GFM1: variants seen among roughly 807,000 people sequenced by gnomAD.
GFM1 encodes the protein elongation factor G, mitochondrial.
A neutral mutation model predicts 96.2 loss-of-function variants in GFM1; 62 were observed. The ratio of observed to expected loss-of-function variants is 0.64; its 90% confidence interval spans 0.53 to 0.80. The LOEUF is 0.80. Ranked by LOEUF, GFM1 falls within the 30% of genes least tolerant of loss-of-function variation. The pLI is 0.00. For synonymous variants in GFM1, 282 were observed against 312.9 expected, an observed-to-expected ratio of 0.90 and a Z score of 1.04; for missense variants, 852 against 916.6, an observed-to-expected ratio of 0.93 and a Z score of 0.91.
intron 6 of GFM1, among the ~76,000 whole-genome samples, chr3:158,652,786 A>G (rs929211484): frequency 3.3e-5 from 5 of 152,246 alleles, no homozygotes; most frequent in Admixed American, 6.5e-5. Context: ...GTAATAGAGC[A>G]TACGTTCATA....
intron 13 of GFM1, chr3:158,672,606 A>T (rs9841): frequency 0.37 from 407,867 of 1,114,098 alleles, 78,977 homozygotes; most frequent in African/African-American, 0.6. Context: ...TCCTTCAGTC[A>T]GTCTTCTTCC....
rs749803761 is a variant in GFM1, at chr3:158,660,888, A to G, written c.1236A>G (p.Val412=). Residue 412 remains valine (V), a synonymous_variant, in exon 10 of 18, where the codon GTA becomes GTG. Coordinates refer to ENST00000486715, the MANE Select transcript of GFM1 (RefSeq NM_024996.7). ...HADMMEDVEE[V]YAGDICALFG... ...TGTTTTTTTAGGATGTTGAGGAAGT[A>G]TATGCCGGAGACATCTGTGCATTGT... 43 of 1,613,624 alleles carry G rather than the reference A, an allele frequency of 2.7e-5. No homozygotes were observed. Among genetic ancestry groups the G allele is most frequent in the East Asian group, 4.5e-5 (2 of 44,878 alleles).
chr3:158,644,802 G>A, intron 1 of GFM1, 87 bp downstream of exon 1: 1 of 1,123,742 alleles, frequency 8.9e-7, no homozygotes, highest in Middle Eastern at 1.9e-4. Context: ...ACACCCCCTG[G>A]GTCCTCATGA....
intron 5 of GFM1, chr3:158,650,073 G>A: frequency 6.5e-7 from 1 of 1,531,954 alleles, no homozygotes; most frequent in Non-Finnish European, 8.7e-7. Context: ...TGGGCGAATG[G>A]CATTGTGATC....
At chr3:158,654,745 G>T in intron 8 of GFM1, 114 bp downstream of exon 8, 2 of 759,374 alleles carry the variant, frequency 2.6e-6, no homozygotes, top group Admixed American at 4.0e-5. Flanking sequence ...AAATAGGAAA[G>T]TAGAAAGAGC....
At chr3:158,673,543 C>T (rs1323715381) in intron 13 of GFM1, among the ~76,000 whole-genome samples, 1 of 113,256 alleles carries the variant, frequency 8.8e-6, no homozygotes, top group Non-Finnish European at 1.7e-5. Context: ...TGGAATTTCA[C>T]TCTTGTTGCC....
chr3:158,666,976 C>T (rs1723755401), intron 13 of GFM1: 1 of 1,576,606 alleles, frequency 6.3e-7, no homozygotes, highest in Non-Finnish European at 8.6e-7. Flanking sequence ...TCTCAGTTTT[C>T]AGAATGGCAT....
chr3:158,665,306 A>C (rs1560135327), intron 11 of GFM1, 31 bp from the exon 12 acceptor site: 1 of 1,567,916 alleles, frequency 6.4e-7, no homozygotes, highest in Non-Finnish European at 8.8e-7. Flanking sequence ...TGCTCAGTAA[A>C]ACATATAGTG....
intron 11 of GFM1, among the ~76,000 whole-genome samples, chr3:158,665,026 T>C (rs1309301214): frequency 6.6e-6 from 1 of 152,164 alleles, no homozygotes; most frequent in African/African-American, 2.4e-5. Context: ...AATTTCTGCT[T>C]TATGGGCAAT....
chr3:158,673,957 T>C (rs1576772589), intron 13 of GFM1, among the ~76,000 whole-genome samples: 1 of 54,110 alleles, frequency 1.8e-5, no homozygotes, highest in Non-Finnish European at 3.6e-5. Context: ...TCTGATTGAC[T>C]TTGCCTTTAA....
At chr3:158,666,752 T>C (rs765359437) in intron 13 of GFM1, 1 of 1,606,328 alleles carries the variant, frequency 6.2e-7, no homozygotes, top group Non-Finnish European at 8.5e-7. Context: ...CTCCTGCAAG[T>C]GAAGAAAATT....
chr3:158,652,945 G>A (rs9853989), intron 6 of GFM1, among the ~76,000 whole-genome samples: 63,144 of 151,812 alleles, frequency 0.42, 14,265 homozygotes, highest in African/African-American at 0.6. Flanking sequence ...TTGGTTTTGC[G>A]TATATATTAC....
intron 14 of GFM1, among the ~76,000 whole-genome samples, chr3:158,683,619 G>C (rs1725590157): frequency 6.6e-6 from 1 of 152,224 alleles, no homozygotes; most frequent in Non-Finnish European, 1.5e-5. Flanking sequence ...GTATGCAGTA[G>C]GGGCTCAAGA....
intron 5 of GFM1, among the ~76,000 whole-genome samples, chr3:158,651,288 TC>T (rs1284911418): frequency 6.6e-6 from 1 of 152,134 alleles, no homozygotes; most frequent in Non-Finnish European, 1.5e-5. Context: ...AGTAAGGTCT[TC>T]CTAGTACTGC....
chr3:158,645,494 C>T, intron 1 of GFM1, 135 bp from the exon 2 acceptor site: 1 of 753,296 alleles, frequency 1.3e-6, no homozygotes, highest in Non-Finnish European at 2.3e-6. Flanking sequence ...TAAAGGTTTC[C>T]CCTGGTGCCT....
At chr3:158,673,409 G>T (rs1205908749) in intron 13 of GFM1, among the ~76,000 whole-genome samples, 3 of 152,010 alleles carry the variant, frequency 2.0e-5, no homozygotes, top group Non-Finnish European at 4.4e-5. Flanking sequence ...TTTATCCTTG[G>T]TGGTCTTAGG....
Position 158,648,401 on chromosome 3 carries a change from G to A in GFM1, c.573-640G>A, listed in dbSNP as rs543501073. Among the ~76,000 whole-genome samples, 4 of 152,188 alleles carry A rather than the reference G, an allele frequency of 2.6e-5. No homozygotes were observed. In the East Asian group the frequency reaches 5.8e-4, roughly 22 times the overall value. On this transcript the variant is annotated intron_variant, in intron 4 of 17. Coordinates refer to ENST00000486715, the MANE Select transcript of GFM1 (RefSeq NM_024996.7). ...TTCTATTCAGTTTTGAGCCTGGGCCGGGCGCGGTGGCTCACACCTGTAATC... is the reference window on the plus strand; with the variant it reads ...TTCTATTCAGTTTTGAGCCTGGGCCAGGCGCGGTGGCTCACACCTGTAATC...
At chr3:158,646,700 T>A (rs1374124230) in intron 3 of GFM1, 43 bp from the exon 4 acceptor site, 7 of 1,520,468 alleles carry the variant, frequency 4.6e-6, no homozygotes, top group Non-Finnish European at 6.3e-6. Flanking sequence ...TATTAAAAAT[T>A]CAGATTGCTC....
chr3:158,655,808 T>C (rs1002264434), intron 8 of GFM1: 2 of 452,702 alleles, frequency 4.4e-6, no homozygotes, highest in Non-Finnish European at 8.8e-6. Context: ...TCTTTAGTTT[T>C]TGTCTAGGTC....
Sources: gnomAD v4.1 joint callset for allele counts (sites outside exome capture counted in the v4.1 genomes callset) on GRCh38, gnomAD v4.1.1 for gene constraint, MANE v1.5 for transcripts, NCBI Gene and HGNC (gene_info 2026-07-23, HGNC 2026-07-21) for gene names.